KCNIP4: variants seen among roughly 807,000 people sequenced by gnomAD.
The protein encoded by KCNIP4 is potassium voltage-gated channel interacting protein 4.
A neutral mutation model predicts 34.0 loss-of-function variants in KCNIP4; 12 were observed. The observed-to-expected ratio is 0.35, with a 90% confidence interval of 0.23 to 0.57. KCNIP4 has a LOEUF of 0.57. KCNIP4 is among the 20% of genes least tolerant of loss of function. The probability of loss-of-function intolerance (pLI) is 0.83; values close to 1 mark genes in which losing one functional copy is unlikely to be tolerated. For missense variants in KCNIP4, 238 were observed against 311.7 expected, an observed-to-expected ratio of 0.76 and a Z score of 1.78; for synonymous variants, 124 against 102.2, an observed-to-expected ratio of 1.21 and a Z score of -1.29.
At chr4:21,815,392 C>T (rs1217593610) in intron 1 of KCNIP4, among the ~76,000 whole-genome samples, 2 of 152,014 alleles carry the variant, frequency 1.3e-5, no homozygotes, top group East Asian at 1.9e-4. Context: ...AAGTTAGGTA[C>T]CATTGTTAGT....
intron 1 of KCNIP4, among the ~76,000 whole-genome samples, chr4:21,468,981 C>T (rs1730228227): frequency 6.6e-6 from 1 of 152,082 alleles, no homozygotes; most frequent in Non-Finnish European, 1.5e-5. Context: ...ATATTTAAAA[C>T]ACATACAAAC....
chr4:21,907,507 A>C (rs146779714), intron 1 of KCNIP4, among the ~76,000 whole-genome samples: 1 of 152,320 alleles, frequency 6.6e-6, no homozygotes, highest in Non-Finnish European at 1.5e-5. Context: ...GAGGAAGACA[A>C]GTACTATTAT....
chr4:21,529,217 C>A (rs1404294995), intron 1 of KCNIP4, among the ~76,000 whole-genome samples: 1 of 152,070 alleles, frequency 6.6e-6, no homozygotes, highest in Non-Finnish European at 1.5e-5. Flanking sequence ...CTACTATAGA[C>A]AAATGGATTA....
chr4:20,979,091 A>G (rs1010124136), intron 1 of KCNIP4, among the ~76,000 whole-genome samples: 2 of 152,224 alleles, frequency 1.3e-5, no homozygotes, highest in African/African-American at 4.8e-5. Context: ...TAATCTATCC[A>G]AAGTTTTAAG....
intron 1 of KCNIP4, among the ~76,000 whole-genome samples, chr4:21,106,561 T>C (rs1000815744): frequency 2.2e-5 from 3 of 138,548 alleles, no homozygotes; most frequent in East Asian, 2.0e-4. Flanking sequence ...CCTGGATTCA[T>C]TAATTTTTTG....
At position 21,656,076 on chromosome 4, in the gene KCNIP4, G is replaced by A. The variant is rs1747904763; in HGVS notation, c.61+292495C>T. 2.6e-5 allele frequency among the ~76,000 whole-genome samples: 4 copies of A among 152,170 alleles called. No homozygotes were observed. The South Asian group carries it at 8.3e-4, about 32-fold the overall frequency. On this transcript the variant is annotated intron_variant, in intron 1 of 8. Transcript: ENST00000382152. The stretch of plus-strand genomic sequence containing the variant: ...AATATATTGTCTCACAGTTCTAGAT[G>A]CAGGAAGTCCAAGATCAAAGCATCA...
At chr4:21,317,735 A>G (rs538495412) in intron 1 of KCNIP4, among the ~76,000 whole-genome samples, 2 of 152,084 alleles carry the variant, frequency 1.3e-5, no homozygotes, top group African/African-American at 4.8e-5. Flanking sequence ...TTGTTGTGGG[A>G]GGGACCCGGT....
chr4:21,237,176 A>T (rs1471519654), intron 1 of KCNIP4, among the ~76,000 whole-genome samples: 1 of 152,176 alleles, frequency 6.6e-6, no homozygotes, highest in East Asian at 1.9e-4. Context: ...ACGTACTTTC[A>T]TTCTTTGATT....
intron 1 of KCNIP4, among the ~76,000 whole-genome samples, chr4:21,473,527 G>A (rs1261483241): frequency 6.6e-6 from 1 of 152,134 alleles, no homozygotes. Flanking sequence ...TCTCCATGCT[G>A]TCCTTTGGGA....
chr4:21,183,611 T>C (rs1371828075), intron 1 of KCNIP4, among the ~76,000 whole-genome samples: 1 of 152,088 alleles, frequency 6.6e-6, no homozygotes, highest in Non-Finnish European at 1.5e-5. Context: ...GGTCCTCCTT[T>C]TTTCCACATA....
chr4:21,914,185 T>C (rs555923746), intron 1 of KCNIP4, among the ~76,000 whole-genome samples: 4 of 152,236 alleles, frequency 2.6e-5, no homozygotes, highest in African/African-American at 9.6e-5. Context: ...AGGAAGTCAC[T>C]AGAAGACAAG....
chr4:20,870,403 C>T (rs1723321384), intron 2 of KCNIP4, among the ~76,000 whole-genome samples: 1 of 152,058 alleles, frequency 6.6e-6, no homozygotes, highest in Non-Finnish European at 1.5e-5. Context: ...CCTGAGGCCT[C>T]CCCAACCATG....
At chr4:21,118,222 G>C (rs763887307) in intron 1 of KCNIP4, among the ~76,000 whole-genome samples, 1 of 152,118 alleles carries the variant, frequency 6.6e-6, no homozygotes, top group Non-Finnish European at 1.5e-5. Context: ...CAGAGCATCT[G>C]TGACAATTAG....
intron 1 of KCNIP4, among the ~76,000 whole-genome samples, chr4:21,488,457 A>G (rs1732101958): frequency 6.6e-6 from 1 of 152,160 alleles, no homozygotes; most frequent in African/African-American, 2.4e-5. Context: ...TAAGCCTGGG[A>G]GAAATTTTGT....
chr4:20,947,593 T>G (rs1577414178), intron 1 of KCNIP4, among the ~76,000 whole-genome samples: 1 of 152,340 alleles, frequency 6.6e-6, no homozygotes, highest in Non-Finnish European at 1.5e-5. Flanking sequence ...ACATGAATTT[T>G]TAATATGCAA....
chr4:20,865,764 G>A (rs1290432549), intron 2 of KCNIP4, among the ~76,000 whole-genome samples: 1 of 151,986 alleles, frequency 6.6e-6, no homozygotes, highest in Non-Finnish European at 1.5e-5. Context: ...AACAAGTCTA[G>A]AGATCTAAAT....
At chr4:21,940,009 T>G (rs952394886) in intron 1 of KCNIP4, among the ~76,000 whole-genome samples, 15 of 152,154 alleles carry the variant, frequency 9.9e-5, no homozygotes, top group African/African-American at 3.1e-4. Flanking sequence ...ATAAGAGACC[T>G]GAGCATTTTC....
intron 1 of KCNIP4, among the ~76,000 whole-genome samples, chr4:21,761,313 G>C (rs1349384): frequency 0.65 from 98,410 of 151,996 alleles, 33,539 homozygotes; most frequent in African/African-American, 0.82. Flanking sequence ...AGGTGTGATA[G>C]ACAGTCCTTC....
At chr4:21,750,026 C>T (rs1293627462) in intron 1 of KCNIP4, among the ~76,000 whole-genome samples, 1 of 152,022 alleles carries the variant, frequency 6.6e-6, no homozygotes, top group Non-Finnish European at 1.5e-5. Flanking sequence ...CAGAAATAAA[C>T]CATTTGTAAG....
Sources: allele counts gnomAD v4.1 joint callset (sites outside exome capture counted in the v4.1 genomes callset), GRCh38; gene constraint gnomAD v4.1.1; transcripts MANE v1.5; gene names NCBI Gene and HGNC (gene_info 2026-07-23, HGNC 2026-07-21).